Variants in HSPA4L observed in about 807,000 individuals in gnomAD.
HSPA4L encodes heat shock protein family A (Hsp70) member 4 like, also known as heat shock 70 kDa protein 4L.
Under a neutral mutation model 100.3 loss-of-function variants are expected in HSPA4L, and 48 were observed. The observed-to-expected ratio is 0.48, with a 90% CI of 0.38 to 0.61. HSPA4L has a LOEUF of 0.61. Among genes scored for constraint, HSPA4L ranks in the 20% least tolerant of loss-of-function variants. HSPA4L has a pLI of 0.00. For missense variants in HSPA4L, 886 were observed against 988.6 expected (o/e 0.90, Z 1.39); for synonymous variants, 319 against 328.2 (o/e 0.97, Z 0.30).
Position 127,782,498 on chromosome 4 carries a change from C to T in HSPA4L, c.-53C>T, listed in dbSNP as rs1489877607. The T allele has an allele frequency of 1.4e-6, 2 of 1,447,046 alleles. No homozygotes were observed. Among genetic ancestry groups the T allele is most frequent in the Admixed American group, 1.7e-5 (1 of 58,994 alleles). 89.6% of individuals were successfully genotyped at this position (1,447,046 alleles called of 1,614,324 possible). On this transcript the variant is annotated 5_prime_UTR_variant, in exon 1 of 19. It adds an upstream start codon to the 5' untranslated region. Transcript: ENST00000296464. ...AGCAGCAATAGCCCAGAAGAGGACA[C>T]GGTTCCCGTACCGAAGGGTTCAGTA...
chr4:127,819,558 G>T (rs901397635), intron 13 of HSPA4L, among the ~76,000 whole-genome samples: 1 of 152,082 alleles, frequency 6.6e-6, no homozygotes, highest in African/African-American at 2.4e-5. Context: ...AGTATATTCA[G>T]TTGTGCAACC....
At chr4:127,800,697 TA>T (rs1327098330) in intron 4 of HSPA4L, among the ~76,000 whole-genome samples, 1 of 152,138 alleles carries the variant, frequency 6.6e-6, no homozygotes, top group African/African-American at 2.4e-5. Context: ...TGCCCTTTTT[TA>T]ACATAATAAA....
At chr4:127,822,529 G>A (rs1265424544) in intron 14 of HSPA4L, among the ~76,000 whole-genome samples, 2 of 152,122 alleles carry the variant, frequency 1.3e-5, no homozygotes, top group Non-Finnish European at 2.9e-5. Flanking sequence ...GTATCTAGGA[G>A]TGAAATTGAA....
chr4:127,818,287 A>T, intron 12 of HSPA4L, 38 bp from the exon 13 acceptor site: 1 of 1,386,424 alleles, frequency 7.2e-7, no homozygotes. Flanking sequence ...CAAAAAAAAG[A>T]CACTGCGTAT....
At chr4:127,797,496 A>G (rs1733054114) in intron 3 of HSPA4L, among the ~76,000 whole-genome samples, 1 of 152,130 alleles carries the variant, frequency 6.6e-6, no homozygotes, top group Non-Finnish European at 1.5e-5. Flanking sequence ...GCTTTGAAAC[A>G]TCATCTTTTG....
chr4:127,831,501 TAAA>T (rs770152039), intron 18 of HSPA4L, among the ~76,000 whole-genome samples: 18 of 103,412 alleles, frequency 1.7e-4, no homozygotes, highest in African/African-American at 5.0e-4. Context: ...CCTTGTCTAT[TAAA>T]AAAAAAAAAA....
chr4:127,814,415 T>A lies in HSPA4L; in HGVS notation c.1578+2779T>A, dbSNP rs181971035. Reference sequence around the variant, plus strand: ...TTCATATATGTATTATCTTTTTTTTTAATTTTTTTTTGAGCCACCATGCCC... The same window carrying A: ...TTCATATATGTATTATCTTTTTTTTAAATTTTTTTTTGAGCCACCATGCCC... On this transcript the variant is annotated intron_variant, in intron 12 of 18. Coordinates refer to ENST00000296464, the MANE Select transcript of HSPA4L (RefSeq NM_014278.4). 1.5e-3 allele frequency among the ~76,000 whole-genome samples: 223 copies of A among 152,238 alleles called. 3 individuals carry two copies. The South Asian group carries it at 0.016, about 11-fold the overall frequency.
At chr4:127,790,470 T>C (rs1347832050) in intron 1 of HSPA4L, among the ~76,000 whole-genome samples, 2 of 152,240 alleles carry the variant, frequency 1.3e-5, no homozygotes, top group East Asian at 1.9e-4. Flanking sequence ...CAAGGAGTTA[T>C]TTATAAGAGA....
In HSPA4L at chr4:127,823,739, T is replaced by G. The variant is rs111639430; in HGVS notation, c.2046+115T>G. ...TTAATTTTTTAATTGAGAGGAAAAT[T>G]GTATATATTTGTGGTGTACGACATG... On this transcript the variant is annotated intron_variant, in intron 16 of 18. Coordinates refer to ENST00000296464, the MANE Select transcript of HSPA4L (RefSeq NM_014278.4). 889 of 626,778 alleles carry G rather than the reference T, an allele frequency of 1.4e-3. 9 individuals carry two copies. In the African/African-American group the frequency reaches 0.015, roughly 10 times the overall value. The allele number at this position is 626,778 out of a possible 1,614,324, so 38.8% of individuals were successfully genotyped here.
At chr4:127,798,091 C>T (rs185702932) in intron 3 of HSPA4L, among the ~76,000 whole-genome samples, 1 of 152,234 alleles carries the variant, frequency 6.6e-6, no homozygotes, top group Admixed American at 6.5e-5. Context: ...CAGAGTAAAT[C>T]TTATGTCATT....
Position 127,812,696 on chromosome 4 carries a change from TA to T in HSPA4L, c.1578+1061del, listed in dbSNP as rs1273232116. 1.1e-4 allele frequency: 93 copies of T among 838,128 alleles called. 1 individual carries two copies. The highest frequency in any genetic ancestry group is 1.6e-4 in the African/African-American group (9 of 55,912). 51.9% of individuals were successfully genotyped at this position (838,128 alleles called of 1,614,324 possible). A position where few individuals can be genotyped will look rare whatever the true frequency, so the allele number is the denominator to read the frequency against. On this transcript the variant is annotated intron_variant, in intron 12 of 18. Transcript: ENST00000296464. ...TTGTTTTTGTAGCCCAGAGGTCCTTTATTTTTTTTTTTTTTTAACACCTATG... is the reference window on the plus strand; with the variant it reads ...TTGTTTTTGTAGCCCAGAGGTCCTTTTTTTTTTTTTTTTTTAACACCTATG...
chr4:127,783,755 G>C, intron 1 of HSPA4L: 1 of 1,293,514 alleles, frequency 7.7e-7, no homozygotes, highest in Non-Finnish European at 1.1e-6. Flanking sequence ...AACAAGGTCA[G>C]TGTCCAATGG....
intron 11 of HSPA4L, among the ~76,000 whole-genome samples, chr4:127,811,182 T>C (rs546944982): frequency 6.6e-6 from 1 of 151,504 alleles, no homozygotes; most frequent in East Asian, 1.9e-4. Flanking sequence ...CCCAGTGCTT[T>C]TTTTTTTTTT....
chr4:127,791,803 T>C (rs922254593), intron 1 of HSPA4L, among the ~76,000 whole-genome samples: 9 of 152,214 alleles, frequency 5.9e-5, no homozygotes, highest in Non-Finnish European at 1.0e-4. Flanking sequence ...TCTCCTCCTC[T>C]AGGTTAATTC....
intron 12 of HSPA4L, among the ~76,000 whole-genome samples, chr4:127,812,008 CT>C (rs1236970837): frequency 6.6e-6 from 1 of 152,106 alleles, no homozygotes; most frequent in Non-Finnish European, 1.5e-5. Flanking sequence ...ACTATACATT[CT>C]TTTTAGATTG....
chr4:127,831,098 T>A (rs978545666), intron 18 of HSPA4L, among the ~76,000 whole-genome samples: 1 of 152,280 alleles, frequency 6.6e-6, no homozygotes, highest in South Asian at 2.1e-4. Context: ...TAAGTCTTCA[T>A]TACAAAATTT....
At chr4:127,818,500 C>A (rs867266453) in intron 13 of HSPA4L, 80 bp downstream of exon 13, 15 of 777,680 alleles carry the variant, frequency 1.9e-5, no homozygotes, top group Middle Eastern at 3.0e-4. Context: ...TCTTTTAACG[C>A]ACTTGATATT....
At chr4:127,794,277 TG>T (rs1475271274) in intron 2 of HSPA4L, 143 bp downstream of exon 2, 3 of 534,910 alleles carry the variant, frequency 5.6e-6, no homozygotes, top group Admixed American at 3.5e-5. Flanking sequence ...TGTTTTGTTT[TG>T]TTTTTTTAAG....
chr4:127,782,684 C>A (rs1377326951), intron 1 of HSPA4L, 27 bp downstream of exon 1: 3 of 1,499,022 alleles, frequency 2.0e-6, no homozygotes, highest in African/African-American at 1.4e-5. Flanking sequence ...AGCATCACCT[C>A]GACCCTAAGA....
Sources: allele counts gnomAD v4.1 joint callset (sites outside exome capture counted in the v4.1 genomes callset), GRCh38; gene constraint gnomAD v4.1.1; transcripts MANE v1.5; gene names NCBI Gene and HGNC (gene_info 2026-07-23, HGNC 2026-07-21).